ENTREP2: variants seen among roughly 807,000 people sequenced by gnomAD.
The protein encoded by ENTREP2 is protein ENTREP2.
chr15:29,351,442 CAAT>C, the ENTREP2 span, among the ~76,000 whole-genome samples: 1 of 151,664 alleles, frequency 6.6e-6, no homozygotes, highest in Non-Finnish European at 1.5e-5. Flanking sequence ...GGTGTGTGAT[CAAT>C]AATAACAGGA....
chr15:29,631,247 A>G, the ENTREP2 span, among the ~76,000 whole-genome samples: 1 of 152,182 alleles, frequency 6.6e-6, no homozygotes, highest in African/African-American at 2.4e-5. Context: ...CAACTGCTGA[A>G]TCATCTTCAT....
the ENTREP2 span, among the ~76,000 whole-genome samples, chr15:29,221,214 T>C: frequency 0.024 from 3,602 of 152,114 alleles, 60 homozygotes; most frequent in Middle Eastern, 0.034. Flanking sequence ...CTTTTTTTTT[T>C]TTTTTGAGAC....
At chr15:29,462,250 C>T in the ENTREP2 span, among the ~76,000 whole-genome samples, 1 of 152,110 alleles carries the variant, frequency 6.6e-6, no homozygotes, top group South Asian at 2.1e-4. Context: ...GCTTTCCATC[C>T]TTTGAGTATA....
the ENTREP2 span, among the ~76,000 whole-genome samples, chr15:29,158,882 T>A: frequency 8.5e-5 from 13 of 152,216 alleles, no homozygotes; most frequent in Non-Finnish European, 1.8e-4. Flanking sequence ...TTTAGATACT[T>A]GGGCAAAGCT....
chr15:29,180,945 G>GA, the ENTREP2 span, among the ~76,000 whole-genome samples: 46 of 150,264 alleles, frequency 3.1e-4, no homozygotes, highest in African/African-American at 1.0e-3. Context: ...TGGAAGGAAG[G>GA]AAAAAATGGA....
At chr15:29,472,329 A>C in the ENTREP2 span, among the ~76,000 whole-genome samples, 1 of 151,944 alleles carries the variant, frequency 6.6e-6, no homozygotes, top group Non-Finnish European at 1.5e-5. Flanking sequence ...CGATAATCAA[A>C]ACCCACCTTA....
the ENTREP2 span, among the ~76,000 whole-genome samples, chr15:29,540,287 A>G: frequency 6.6e-6 from 1 of 152,232 alleles, no homozygotes; most frequent in African/African-American, 2.4e-5. Context: ...AATGTATTAT[A>G]CACACTGTTG....
the ENTREP2 span, among the ~76,000 whole-genome samples, chr15:29,538,531 A>G: frequency 1.3e-5 from 2 of 151,406 alleles, no homozygotes; most frequent in African/African-American, 4.9e-5. Context: ...GCAGTGGCTC[A>G]CGCTTGTAAT....
the ENTREP2 span, chr15:29,267,039 A>G: frequency 6.6e-6 from 1 of 152,344 alleles, no homozygotes; most frequent in South Asian, 2.1e-4. Flanking sequence ...GAGTTTATAC[A>G]CTGAAATAAA....
At chr15:29,567,015 A>G in the ENTREP2 span, among the ~76,000 whole-genome samples, 1 of 152,186 alleles carries the variant, frequency 6.6e-6, no homozygotes, top group Non-Finnish European at 1.5e-5. Context: ...CTATTAAAGG[A>G]TAACTATTCA....
At chr15:29,138,773 G>A in the ENTREP2 span, among the ~76,000 whole-genome samples, 1 of 152,020 alleles carries the variant, frequency 6.6e-6, no homozygotes, top group South Asian at 2.1e-4. Context: ...AGCAAGGACA[G>A]CTCCATTAGA....
the ENTREP2 span, among the ~76,000 whole-genome samples, chr15:29,518,196 G>A: frequency 6.6e-6 from 1 of 151,458 alleles, no homozygotes; most frequent in Non-Finnish European, 1.5e-5. Context: ...GTGAGACCTA[G>A]TCTCAAAACA....
the ENTREP2 span, among the ~76,000 whole-genome samples, chr15:29,312,314 A>C: frequency 2.1e-5 from 3 of 144,904 alleles, no homozygotes; most frequent in Non-Finnish European, 3.0e-5. Context: ...AAAACAAAAG[A>C]ATCCCCACAA....
chr15:29,365,612 G>T, the ENTREP2 span, among the ~76,000 whole-genome samples: 25,768 of 151,700 alleles, frequency 0.17, 2,397 homozygotes, highest in East Asian at 0.38. Context: ...AAAGAACAAG[G>T]TTGCGCTTTT....
chr15:29,173,872 A>C, the ENTREP2 span, among the ~76,000 whole-genome samples: 49 of 152,032 alleles, frequency 3.2e-4, no homozygotes, highest in South Asian at 4.4e-3. Context: ...TATGTCTTAT[A>C]ATCTTTTTAT....
chr15:29,321,982 T>A, the ENTREP2 span, among the ~76,000 whole-genome samples: 27 of 150,696 alleles, frequency 1.8e-4, no homozygotes, highest in East Asian at 4.9e-3. Context: ...GAACTAAAAA[T>A]TAAAATTTAA....
chr15:29,394,258 G>C, the ENTREP2 span, among the ~76,000 whole-genome samples: 1 of 151,974 alleles, frequency 6.6e-6, no homozygotes, highest in Non-Finnish European at 1.5e-5. Context: ...AAATCCCAAT[G>C]GGATTCTTTG....
At chr15:29,453,007 G>C in the ENTREP2 span, among the ~76,000 whole-genome samples, 7 of 152,140 alleles carry the variant, frequency 4.6e-5, no homozygotes, top group Non-Finnish European at 1.0e-4. Context: ...GCCAAGTAAC[G>C]AGCAAACATG....
the ENTREP2 span, among the ~76,000 whole-genome samples, chr15:29,601,145 C>T: frequency 6.6e-6 from 1 of 152,014 alleles, no homozygotes; most frequent in African/African-American, 2.4e-5. Flanking sequence ...GATCCGCCTG[C>T]CTCGGCCTCC....
Sources: gnomAD v4.1 joint callset for allele counts (sites outside exome capture counted in the v4.1 genomes callset) on GRCh38, gnomAD v4.1.1 for gene constraint, MANE v1.5 for transcripts, NCBI Gene and HGNC (gene_info 2026-07-23, HGNC 2026-07-21) for gene names.